Variants in LARGE1 observed in about 807,000 individuals in gnomAD.
LARGE1 encodes xylosyl- and glucuronyltransferase LARGE1.
Under a neutral mutation model 87.6 loss-of-function variants are expected in LARGE1, and 43 were observed. The ratio of observed to expected loss-of-function variants is 0.49; its 90% CI spans 0.38 to 0.63. LARGE1 has a LOEUF of 0.63. Among genes scored for constraint, LARGE1 ranks in the 30% least tolerant of loss-of-function variants. LARGE1 has a pLI of 0.00. For synonymous variants in LARGE1, 434 were observed against 394.6 expected, an observed-to-expected ratio of 1.10 and a Z score of -1.18; for missense variants, 802 against 1,000.2, an observed-to-expected ratio of 0.80 and a Z score of 2.67.
At chr22:33,844,189 G>C (rs1357797315) in intron 1 of LARGE1, among the ~76,000 whole-genome samples, 1 of 152,088 alleles carries the variant, frequency 6.6e-6, no homozygotes, top group East Asian at 1.9e-4. Context: ...GATACCTCTT[G>C]AGACCGTCCA....
intron 11 of LARGE1, among the ~76,000 whole-genome samples, chr22:33,261,336 G>C (rs2145747641): frequency 6.6e-6 from 1 of 152,270 alleles, no homozygotes; most frequent in African/African-American, 2.4e-5. Flanking sequence ...TAAACTTCCA[G>C]AGAGCAATGA....
chr22:33,771,127 T>C (rs554696973), intron 1 of LARGE1, among the ~76,000 whole-genome samples: 1 of 151,354 alleles, frequency 6.6e-6, no homozygotes, highest in Admixed American at 6.6e-5. Flanking sequence ...TGATCCCCAA[T>C]CCACTGCCCT....
the LARGE1 span, among the ~76,000 whole-genome samples, chr22:33,118,022 G>C: frequency 6.6e-6 from 1 of 152,094 alleles, no homozygotes; most frequent in Admixed American, 6.6e-5. Context: ...GAGCAGTGAT[G>C]GCTCTCTAAT....
In LARGE1 at chr22:33,409,525, C is replaced by T. The variant is rs964108131; in HGVS notation, c.892+22636G>A. On this transcript the variant is annotated intron_variant, in intron 7 of 14. Transcript: ENST00000397394. ...TTACTTGACAGTCAGCAGTCTGAGGCTAGGATTCTTTTACCCACTGAAGCA... is the reference window on the plus strand; with the variant it reads ...TTACTTGACAGTCAGCAGTCTGAGGTTAGGATTCTTTTACCCACTGAAGCA... 4.9e-4 allele frequency among the ~76,000 whole-genome samples: 74 copies of T among 152,104 alleles called. 1 individual carries two copies. The highest frequency in any genetic ancestry group is 1.8e-4 in the Non-Finnish European group (12 of 67,992).
At chr22:33,823,010 A>T (rs773224919) in intron 1 of LARGE1, among the ~76,000 whole-genome samples, 6 of 152,064 alleles carry the variant, frequency 3.9e-5, no homozygotes, top group Non-Finnish European at 8.8e-5. Flanking sequence ...AGAATAAAAC[A>T]CCCCACCTAT....
chr22:33,663,351 G>A (rs547811443), intron 2 of LARGE1, among the ~76,000 whole-genome samples: 103 of 152,262 alleles, frequency 6.8e-4, no homozygotes, highest in African/African-American at 2.1e-3. Context: ...GTCCTACACC[G>A]GAGAGTTTTT....
chr22:33,206,404 T>A (rs1401639882), intron 11 of LARGE1, among the ~76,000 whole-genome samples: 1 of 151,292 alleles, frequency 6.6e-6, no homozygotes, highest in Non-Finnish European at 1.5e-5. Context: ...ATTGCATGAC[T>A]TTTTTTTTCC....
intron 6 of LARGE1, among the ~76,000 whole-genome samples, chr22:33,544,383 T>A (rs1446476669): frequency 6.6e-6 from 1 of 152,174 alleles, no homozygotes; most frequent in East Asian, 1.9e-4. Flanking sequence ...GTTTAGCAAA[T>A]AGAGTGGAAA....
chr22:33,777,599 T>C (rs953225860), intron 1 of LARGE1, among the ~76,000 whole-genome samples: 1 of 138,274 alleles, frequency 7.2e-6, no homozygotes, highest in East Asian at 2.3e-4. Flanking sequence ...GCCATGATGG[T>C]ACCACTGCAC....
chr22:33,684,619 A>G (rs1240062567), intron 2 of LARGE1, among the ~76,000 whole-genome samples: 2 of 152,156 alleles, frequency 1.3e-5, no homozygotes, highest in African/African-American at 2.4e-5. Flanking sequence ...AGCTCAGGAG[A>G]AGCTACTGTG....
chr22:33,156,444 T>A, the LARGE1 span, among the ~76,000 whole-genome samples: 9 of 152,168 alleles, frequency 5.9e-5, no homozygotes, highest in Non-Finnish European at 1.2e-4. Context: ...TCAAAGGAGA[T>A]TATTTTTGAG....
the LARGE1 span, among the ~76,000 whole-genome samples, chr22:33,067,586 G>A: frequency 6.6e-6 from 1 of 152,150 alleles, no homozygotes; most frequent in African/African-American, 2.4e-5. Flanking sequence ...GAGAAGCTAA[G>A]AAACTTACTA....
chr22:33,213,956 G>C (rs1198605548), intron 11 of LARGE1, among the ~76,000 whole-genome samples: 5 of 152,104 alleles, frequency 3.3e-5, no homozygotes, highest in African/African-American at 1.2e-4. Context: ...AGCCTCCTGA[G>C]CAACTGGGAC....
At chr22:33,379,258 C>CTTTA (rs753430829) in intron 9 of LARGE1, among the ~76,000 whole-genome samples, 23 of 142,722 alleles carry the variant, frequency 1.6e-4, no homozygotes, top group Non-Finnish European at 3.0e-4. Flanking sequence ...TGAGTGATTT[C>CTTTA]TTTCTTTTTT....
chr22:33,482,673 C>A (rs762507970), intron 6 of LARGE1, among the ~76,000 whole-genome samples: 3 of 151,900 alleles, frequency 2.0e-5, no homozygotes, highest in African/African-American at 7.3e-5. Flanking sequence ...CAAACCTGCA[C>A]GTTCTGCACA....
At chr22:33,470,735 C>T (rs2068795599) in intron 6 of LARGE1, among the ~76,000 whole-genome samples, 1 of 152,222 alleles carries the variant, frequency 6.6e-6, no homozygotes, top group Admixed American at 6.5e-5. Context: ...TCTCTGAATG[C>T]AGGTCCCCAT....
At chr22:33,889,223 ATTC>A (rs1569014958) in intron 1 of LARGE1, 2 of 152,144 alleles carry the variant, frequency 1.3e-5, no homozygotes, top group African/African-American at 2.4e-5. Flanking sequence ...AATGGAAAAG[ATTC>A]TTATTCTATT....
At position 33,650,623 on chromosome 22, in the gene LARGE1, C is replaced by T. The variant is rs758152995; in HGVS notation, c.152G>A (p.Ser51Asn). ...CTGGCTGGAGGCCGTGTACCTGGGG[C>T]TGTGTGCCTGGGACTCCAGCGGTGA... The part of the protein sequence containing the change: ...SLSPLESQAH[S>N]PRYTASSQRE... The change falls in exon 3 of 15, where the codon AGC (serine) becomes AAC (asparagine). Residue 51 changes from serine (S) to asparagine (N), a missense_variant. By Grantham distance (46) the Ser-to-Asn change is conservative (BLOSUM62 1). Transcript: ENST00000397394. 1 of 1,603,692 alleles carries T rather than the reference C, an allele frequency of 6.2e-7. No individual in the cohort carries two copies. The highest frequency in any genetic ancestry group is 8.5e-7 in the Non-Finnish European group (1 of 1,179,946).
chr22:33,534,495 C>T (rs1168059527), intron 6 of LARGE1, among the ~76,000 whole-genome samples: 1 of 152,132 alleles, frequency 6.6e-6, no homozygotes, highest in Non-Finnish European at 1.5e-5. Flanking sequence ...GAAACCCCAG[C>T]TAGCGGAACC....
Sources: gnomAD v4.1 joint callset for allele counts (sites outside exome capture counted in the v4.1 genomes callset) on GRCh38, gnomAD v4.1.1 for gene constraint, MANE v1.5 for transcripts, NCBI Gene and HGNC (gene_info 2026-07-23, HGNC 2026-07-21) for gene names.